The following ADGRG1 variants were observed in gnomAD, a reference collection of about 807,000 sequenced individuals.
ADGRG1 encodes 7-transmembrane protein with no EGF-like N-terminal domains-1.
ADGRG1 carries 53 observed loss-of-function variants against 73.5 expected under a neutral mutation model. The ratio of observed to expected loss-of-function variants is 0.72; its 90% confidence interval spans 0.58 to 0.91. The LOEUF is 0.91. Among genes scored for constraint, ADGRG1 ranks in the 40% least tolerant of loss-of-function variants. The pLI is 0.00. For missense variants in ADGRG1, 795 were observed against 871.8 expected (o/e 0.91, Z 1.11); for synonymous variants, 394 against 374.4 (o/e 1.05, Z -0.60).
intron 1 of ADGRG1, chr16:57,639,507 G>C: frequency 1.0e-6 from 1 of 985,468 alleles, no homozygotes; most frequent in South Asian, 4.7e-5. Flanking sequence ...GGGAGCAGTG[G>C]CTGGGGTGGC....
rs559325822 is a variant in ADGRG1, at chr16:57,654,921, C to T, written c.769-478C>T. 7.0e-5 allele frequency: 15 copies of T among 214,912 alleles called. No individual in the cohort carries two copies. In the East Asian group the frequency reaches 1.9e-3, roughly 27 times the overall value. 13.3% of individuals were successfully genotyped at this position (214,912 alleles called of 1,614,324 possible). A position where few individuals can be genotyped will look rare whatever the true frequency, so the allele number is the denominator to read the frequency against. On this transcript the variant is annotated intron_variant, in intron 5 of 13. Transcript: ENST00000562631. ...TTTTTGTAAAGACAAGGTCTTGCTA[C>T]GTTGTCCAGGTTGGTCTTGACCTCC...
chr16:57,629,041 AGT>A, intron 1 of ADGRG1: 1 of 360,928 alleles, frequency 2.8e-6, no homozygotes, highest in Non-Finnish European at 3.6e-6. Flanking sequence ...TGAGAGTGTG[AGT>A]GAGTGTGTGT....
intron 1 of ADGRG1, chr16:57,634,135 C>T (rs2038747628): frequency 1.0e-6 from 1 of 985,294 alleles, no homozygotes; most frequent in Admixed American, 6.1e-5. Flanking sequence ...GGTCACTTCT[C>T]TGCTGGGTGA....
intron 1 of ADGRG1, chr16:57,639,439 G>A (rs1406228614): frequency 2.0e-5 from 20 of 985,326 alleles, no homozygotes; most frequent in Non-Finnish European, 2.4e-5. Flanking sequence ...CCGCGCTGGC[G>A]GCTGGGGCTT....
chr16:57,629,027 A>G, intron 1 of ADGRG1: 1 of 469,742 alleles, frequency 2.1e-6, no homozygotes, highest in Non-Finnish European at 2.7e-6. Flanking sequence ...TGAGCGTTTG[A>G]GTGTGAGAGT....
chr16:57,628,700 G>T lies in ADGRG1; in HGVS notation c.-138G>T. On this transcript the variant is annotated 5_prime_UTR_variant, in exon 1 of 14. Transcript: ENST00000562631. ...CCTCCCACGCTCTCCAGCTCACTCG[G>T]CAGGCAGCGGGGACCAGGGCTGGCA... The T allele has an allele frequency of 2.0e-6, 2 of 985,512 alleles. No individual in the cohort carries two copies. The highest frequency in any genetic ancestry group is 2.4e-6 in the Non-Finnish European group (2 of 829,956). The allele number at this position is 985,512 out of a possible 1,614,324, so 61.0% of individuals were successfully genotyped here.
chr16:57,640,737 C>T, intron 1 of ADGRG1: 1 of 232,758 alleles, frequency 4.3e-6, no homozygotes, highest in Non-Finnish European at 7.0e-6. Context: ...GGGGAGGGTG[C>T]TCTCGGCCCC....
At chr16:57,634,177 G>C in intron 1 of ADGRG1, 1 of 985,390 alleles carries the variant, frequency 1.0e-6, no homozygotes, top group African/African-American at 1.7e-5. Context: ...GCTAGGCTGA[G>C]CAGCTGACCC....
rs2047740176 is a variant in ADGRG1, at chr16:57,663,397, G to T, written c.1934-55G>T. On this transcript the variant is annotated intron_variant, in intron 13 of 13. Coordinates refer to ENST00000562631, the MANE Select transcript of ADGRG1 (RefSeq NM_201525.4). ...GTCACAATGGCTGGGGAGGGAGGAGGAGGGATGGGGTGGGGCTCCCCCACC... is the reference window on the plus strand; with the variant it reads ...GTCACAATGGCTGGGGAGGGAGGAGTAGGGATGGGGTGGGGCTCCCCCACC... 13 of 1,607,206 alleles carry T rather than the reference G, an allele frequency of 8.1e-6. No individual in the cohort carries two copies. The South Asian group carries it at 1.3e-4, about 16-fold the overall frequency.
upstream of ADGRG1, chr16:57,622,878 C>G: frequency 1.0e-6 from 1 of 985,466 alleles, no homozygotes; most frequent in Non-Finnish European, 1.2e-6. Flanking sequence ...CCCAGCCAGC[C>G]TGAACCCTAA....
chr16:57,640,495 G>A (rs2040530633), intron 1 of ADGRG1, among the ~76,000 whole-genome samples: 1 of 152,252 alleles, frequency 6.6e-6, no homozygotes, highest in Non-Finnish European at 1.5e-5. Flanking sequence ...TCACAATCCT[G>A]TCTTGCATTT....
At chr16:57,643,924 G>A in intron 1 of ADGRG1, 7 of 982,642 alleles carry the variant, frequency 7.1e-6, no homozygotes, top group Non-Finnish European at 8.5e-6. Flanking sequence ...GTGGGGCGTA[G>A]CCCTGAGTGC....
chr16:57,653,983 C>T lies in ADGRG1; in HGVS notation c.621-3C>T. The T allele has an allele frequency of 6.2e-7, 1 of 1,613,934 alleles. No individual in the cohort carries two copies. Among genetic ancestry groups the T allele is most frequent in the Non-Finnish European group, 8.5e-7 (1 of 1,180,048 alleles). On this transcript the variant is annotated splice_region_variant and splice_polypyrimidine_tract_variant and intron_variant, in intron 4 of 13. Coordinates refer to ENST00000562631, the MANE Select transcript of ADGRG1 (RefSeq NM_201525.4). ...ATCACCACCGCTTTCTCCTCCCTGC[C>T]AGGCAGTTGCAGAGCCTGGAGTCGA...
At chr16:57,632,986 C>T in intron 1 of ADGRG1, 1 of 979,878 alleles carries the variant, frequency 1.0e-6, no homozygotes, top group South Asian at 4.7e-5. Context: ...CCGCCTCTGC[C>T]ACCTCCCAGG....
Position 57,644,491 on chromosome 16 carries a change from CAT to C in ADGRG1, c.-35-5759_-35-5758del, listed in dbSNP as rs60986032. Among the ~76,000 whole-genome samples the C allele has an allele frequency of 0.019, 2,757 of 148,224 alleles. 156 individuals are homozygous for C. The East Asian group carries it at 0.22, about 12-fold the overall frequency. On this transcript the variant is annotated intron_variant, in intron 1 of 13. Coordinates refer to ENST00000562631, the MANE Select transcript of ADGRG1 (RefSeq NM_201525.4). ...ACGGGCACACACACCCATGCACACACATATGCACACTCATGCATGGGCACACA... is the reference window on the plus strand; with the variant it reads ...ACGGGCACACACACCCATGCACACACATGCACACTCATGCATGGGCACACA...
chr16:57,640,665 A>G (rs1295355922), intron 1 of ADGRG1, among the ~76,000 whole-genome samples: 1 of 152,242 alleles, frequency 6.6e-6, no homozygotes, highest in East Asian at 1.9e-4. Flanking sequence ...GCCCAGGCAC[A>G]GTCAGGCTCG....
At chr16:57,634,452 C>T in intron 1 of ADGRG1, 1 of 985,462 alleles carries the variant, frequency 1.0e-6, no homozygotes, top group African/African-American at 1.7e-5. Flanking sequence ...AAACTTCCGC[C>T]CCTGGGGCAT....
intron 1 of ADGRG1, chr16:57,640,781 G>A: frequency 1.7e-6 from 1 of 578,138 alleles, no homozygotes; most frequent in Non-Finnish European, 2.2e-6. Context: ...AGGAGGGGGA[G>A]GAAAAAAGAA....
intron 4 of ADGRG1, 136 bp downstream of exon 4, chr16:57,653,471 G>A (rs1424893547): frequency 2.0e-6 from 3 of 1,493,550 alleles, no homozygotes; most frequent in Non-Finnish European, 2.7e-6. Flanking sequence ...TTCTCTTTCT[G>A]CCTTCTGGGA....
Sources: allele counts gnomAD v4.1 joint callset (sites outside exome capture counted in the v4.1 genomes callset), GRCh38; gene constraint gnomAD v4.1.1; transcripts MANE v1.5; gene names NCBI Gene and HGNC (gene_info 2026-07-23, HGNC 2026-07-21).